The following GPR158 variants were observed in gnomAD, a reference collection of about 807,000 sequenced individuals.
GPR158 encodes the protein metabotropic glycine receptor.
A neutral mutation model predicts 78.2 loss-of-function variants in GPR158; 30 were observed. The observed-to-expected ratio is 0.38, with a 90% CI of 0.29 to 0.52. The LOEUF is 0.52. Ranked by LOEUF, GPR158 falls within the 20% of genes least tolerant of loss-of-function variation. The pLI is 0.83. For missense variants in GPR158, 1,463 were observed against 1,523.5 expected, an observed-to-expected ratio of 0.96 and a Z score of 0.66; for synonymous variants, 581 against 591.1, an observed-to-expected ratio of 0.98 and a Z score of 0.25.
intron 4 of GPR158, among the ~76,000 whole-genome samples, chr10:25,419,996 A>C (rs551797696): frequency 3.3e-5 from 5 of 152,150 alleles, no homozygotes; most frequent in African/African-American, 1.2e-4. Context: ...CCCATTTCTT[A>C]ATCAGGTTAT....
chr10:25,395,119 A>C (rs1754270), intron 2 of GPR158, among the ~76,000 whole-genome samples: 106,127 of 151,940 alleles, frequency 0.7, 38,116 homozygotes, highest in Non-Finnish European at 0.8. Context: ...AATGTAGCAA[A>C]AATGAAGTAG....
At chr10:25,371,498 C>A in intron 2 of GPR158, among the ~76,000 whole-genome samples, 1 of 151,066 alleles carries the variant, frequency 6.6e-6, no homozygotes, top group Non-Finnish European at 1.5e-5. Flanking sequence ...GTACTGGTAC[C>A]AAAACAGAGA....
rs1237988572 is a variant in GPR158, at chr10:25,175,728, A to G, written c.308A>G (p.Tyr103Cys). 2 of 1,611,582 alleles carry G rather than the reference A, an allele frequency of 1.2e-6. No individual in the cohort carries two copies. Among genetic ancestry groups the G allele is most frequent in the East Asian group, 2.2e-5 (1 of 44,872 alleles). The part of the protein sequence containing the change: ...QLKRANCSGR[Y>C]ELAGLPGKWP... Reference sequence around the variant, plus strand: ...AAGCGAGCCAACTGCTCCGGCCGCTACGAGTTGGCGGGCCTGCCGGGGAAG... The same window carrying G: ...AAGCGAGCCAACTGCTCCGGCCGCTGCGAGTTGGCGGGCCTGCCGGGGAAG... Residue 103 changes from tyrosine (Y) to cysteine (C), a missense_variant, in exon 1 of 11, where the codon TAC (tyrosine) becomes TGC (cysteine). Coordinates refer to ENST00000376351, the MANE Select transcript of GPR158 (RefSeq NM_020752.3). The surrounding 1 kb of genome is among the most constrained non-coding windows in gnomAD (Gnocchi z 6.4).
chr10:25,178,306 G>C (rs1044052999), intron 1 of GPR158, among the ~76,000 whole-genome samples: 3 of 152,144 alleles, frequency 2.0e-5, no homozygotes, highest in African/African-American at 7.2e-5. Context: ...TCCAAACTCT[G>C]TTCTATGAAG....
intron 2 of GPR158, among the ~76,000 whole-genome samples, chr10:25,304,016 G>A (rs7921770): frequency 0.035 from 5,316 of 152,206 alleles, 113 homozygotes; most frequent in Non-Finnish European, 0.046. Flanking sequence ...ATATGAAGAG[G>A]TGATTCAGTT....
intron 2 of GPR158, among the ~76,000 whole-genome samples, chr10:25,340,035 A>G (rs1855279495): frequency 6.6e-6 from 1 of 152,018 alleles, no homozygotes; most frequent in African/African-American, 2.4e-5. Context: ...TAGTGTCACC[A>G]AACTCCAGAT....
At chr10:25,571,771 C>A (rs1837012504) in intron 6 of GPR158, among the ~76,000 whole-genome samples, 1 of 152,022 alleles carries the variant, frequency 6.6e-6, no homozygotes, top group African/African-American at 2.4e-5. Flanking sequence ...GCTTAGATAT[C>A]ATCTAATCTA....
At chr10:25,318,007 G>C (rs1397406861) in intron 2 of GPR158, among the ~76,000 whole-genome samples, 3 of 152,178 alleles carry the variant, frequency 2.0e-5, no homozygotes, top group Non-Finnish European at 2.9e-5. Flanking sequence ...ACAAGCGTGA[G>C]TCACCGTGCC....
At chr10:25,435,148 C>G (rs1834982284) in intron 4 of GPR158, among the ~76,000 whole-genome samples, 1 of 152,082 alleles carries the variant, frequency 6.6e-6, no homozygotes, top group Non-Finnish European at 1.5e-5. Context: ...TGAGGGTGCA[C>G]TAAGTTCTCA....
intron 2 of GPR158, among the ~76,000 whole-genome samples, chr10:25,258,654 C>A (rs1320380896): frequency 1.3e-5 from 2 of 151,668 alleles, no homozygotes; most frequent in East Asian, 1.9e-4. Context: ...CCATACGAAC[C>A]AAGGGTCAGC....
At position 25,257,008 on chromosome 10, in the gene GPR158, C is replaced by T. The variant is rs568973167; in HGVS notation, c.1008+35851C>T. Among the ~76,000 whole-genome samples the T allele has an allele frequency of 2.6e-5, 4 of 152,256 alleles. No individual in the cohort carries two copies. The South Asian group carries it at 8.3e-4, about 32-fold the overall frequency. ...TGGATAGATTTCTTAGCATATATGT[C>T]TTAGTTCATTTTCTGCTGCTGTAAC... On this transcript the variant is annotated intron_variant, in intron 2 of 10. Transcript: ENST00000376351.
At chr10:25,574,513 C>A (rs953854898) in intron 7 of GPR158, among the ~76,000 whole-genome samples, 2 of 152,018 alleles carry the variant, frequency 1.3e-5, no homozygotes, top group Non-Finnish European at 2.9e-5. Flanking sequence ...AACTCAGGAA[C>A]CTTTTATAAA....
chr10:25,387,913 T>A (rs542295995), intron 2 of GPR158, among the ~76,000 whole-genome samples: 8 of 152,312 alleles, frequency 5.3e-5, no homozygotes, highest in African/African-American at 1.9e-4. Flanking sequence ...TTATGGGCAC[T>A]TTTTTATTGG....
Position 25,250,068 on chromosome 10 carries a change from C to T in GPR158, c.1008+28911C>T, listed in dbSNP as rs1357048059. Among the ~76,000 whole-genome samples the T allele has an allele frequency of 2.3e-3, 326 of 142,502 alleles. 5 individuals carry two copies. Among genetic ancestry groups the T allele is most frequent in the African/African-American group, 8.4e-3 (314 of 37,442 alleles). 93.5% of individuals were successfully genotyped at this position (142,502 alleles called of 152,430 possible). ...GAGTGTATGTGTCAAGGAATTTATC[C>T]GTTTCTTCTAGATTTTCTAGTTTAT... On this transcript the variant is annotated intron_variant, in intron 2 of 10. Transcript: ENST00000376351.
chr10:25,289,044 T>C (rs1008861242), intron 2 of GPR158, among the ~76,000 whole-genome samples: 9 of 152,230 alleles, frequency 5.9e-5, no homozygotes, highest in Admixed American at 6.5e-5. Context: ...TTGTTTATCA[T>C]GTTTTGTGAC....
chr10:25,424,444 A>G (rs559812126), intron 4 of GPR158, among the ~76,000 whole-genome samples: 2 of 151,932 alleles, frequency 1.3e-5, no homozygotes, highest in African/African-American at 4.8e-5. Flanking sequence ...TGTTTTAGAC[A>G]TGAAGTCCTT....
At chr10:25,389,602 G>C (rs1369811187) in intron 2 of GPR158, among the ~76,000 whole-genome samples, 1 of 152,196 alleles carries the variant, frequency 6.6e-6, no homozygotes, top group Non-Finnish European at 1.5e-5. Context: ...ACAAGAACTT[G>C]GGACCCGCTG....
intron 2 of GPR158, among the ~76,000 whole-genome samples, chr10:25,242,609 C>T (rs1173041151): frequency 1.3e-5 from 2 of 152,208 alleles, no homozygotes; most frequent in Non-Finnish European, 2.9e-5. Context: ...CATTCTCTCT[C>T]TTCAGATAAT....
At chr10:25,220,993 T>G in intron 1 of GPR158, 59 bp from the exon 2 acceptor site, 1 of 990,874 alleles carries the variant, frequency 1.0e-6, no homozygotes, top group Non-Finnish European at 1.5e-6. Flanking sequence ...AAGCTTAAAA[T>G]ACAGAGAAAT....
Sources: gnomAD v4.1 joint callset for allele counts (sites outside exome capture counted in the v4.1 genomes callset) on GRCh38, gnomAD v4.1.1 for gene constraint, Gnocchi (gnomAD v3.1) non-coding constraint, MANE v1.5 for transcripts, NCBI Gene and HGNC (gene_info 2026-07-23, HGNC 2026-07-21) for gene names.